The following KCNB2 variants were observed in gnomAD, a reference collection of about 807,000 sequenced individuals.
KCNB2 encodes the protein delayed rectifier potassium channel protein.
In KCNB2, 15 loss-of-function variants were observed where a neutral mutation model predicts 61.5. The ratio of observed to expected loss-of-function variants is 0.24; its 90% CI spans 0.16 to 0.38. KCNB2 has a LOEUF of 0.38. Among genes scored for constraint, KCNB2 ranks in the 10% least tolerant of loss-of-function variants. The pLI, the probability that KCNB2 is intolerant of heterozygous loss-of-function variation, is 1.00. For synonymous variants in KCNB2, 457 were observed against 446.0 expected (o/e 1.02, Z -0.31); for missense variants, 828 against 1,125.2 (o/e 0.74, Z 3.78).
chr8:72,615,771 C>T (rs1361064182), intron 2 of KCNB2, among the ~76,000 whole-genome samples: 1 of 151,930 alleles, frequency 6.6e-6, no homozygotes, highest in African/African-American at 2.4e-5. Context: ...TTTTCTTTGC[C>T]CAAGTGAGGC....
At chr8:72,637,368 C>A (rs1292707394) in intron 2 of KCNB2, among the ~76,000 whole-genome samples, 1 of 152,140 alleles carries the variant, frequency 6.6e-6, no homozygotes, top group Non-Finnish European at 1.5e-5. Context: ...TAGTTCATTG[C>A]TTTTATAAAC....
At chr8:72,652,398 T>A (rs1806226499) in intron 2 of KCNB2, among the ~76,000 whole-genome samples, 1 of 152,030 alleles carries the variant, frequency 6.6e-6, no homozygotes, top group South Asian at 2.1e-4. Context: ...GCTATCTACC[T>A]GGCCTATATC....
intron 2 of KCNB2, among the ~76,000 whole-genome samples, chr8:72,859,013 T>C (rs1002889849): frequency 6.6e-6 from 1 of 152,216 alleles, no homozygotes; most frequent in Non-Finnish European, 1.5e-5. Context: ...AATTCTAAGA[T>C]GATTGCTCCT....
At chr8:72,618,574 G>A (rs1301998487) in intron 2 of KCNB2, 1 of 152,152 alleles carries the variant, frequency 6.6e-6, no homozygotes, top group African/African-American at 2.4e-5. Flanking sequence ...TACACAACAA[G>A]AAACCATGAT....
At chr8:72,648,886 A>G (rs1368972268) in intron 2 of KCNB2, among the ~76,000 whole-genome samples, 2 of 152,128 alleles carry the variant, frequency 1.3e-5, no homozygotes, top group South Asian at 4.1e-4. Flanking sequence ...AATAGACAAT[A>G]TCTATAAAAT....
chr8:72,621,162 A>T (rs77756089), intron 2 of KCNB2, among the ~76,000 whole-genome samples: 23,869 of 152,208 alleles, frequency 0.16, 2,396 homozygotes, highest in Middle Eastern at 0.24. Flanking sequence ...TCCTGCTAAC[A>T]TATGTACATT....
intron 2 of KCNB2, among the ~76,000 whole-genome samples, chr8:72,821,857 G>A (rs1295493307): frequency 6.6e-6 from 1 of 152,074 alleles, no homozygotes; most frequent in East Asian, 1.9e-4. Flanking sequence ...GAGACAGAGA[G>A]ACAAAGGGAA....
At chr8:72,885,587 G>T (rs1338138288) in intron 2 of KCNB2, among the ~76,000 whole-genome samples, 2 of 151,928 alleles carry the variant, frequency 1.3e-5, no homozygotes, top group African/African-American at 2.4e-5. Context: ...TTGGCAGAAG[G>T]GTATGCATCA....
At chr8:72,924,525 A>G (rs565990772) in intron 2 of KCNB2, among the ~76,000 whole-genome samples, 31 of 152,200 alleles carry the variant, frequency 2.0e-4, no homozygotes, top group Admixed American at 3.3e-4. Flanking sequence ...AGGTGATGCT[A>G]AAGATTGAAG....
chr8:72,884,296 G>C (rs915471174), intron 2 of KCNB2, among the ~76,000 whole-genome samples: 4 of 151,594 alleles, frequency 2.6e-5, no homozygotes, highest in African/African-American at 9.7e-5. Flanking sequence ...TTGTAAGCAT[G>C]CTTTTTAATT....
At chr8:72,755,028 G>A (rs940409789) in intron 2 of KCNB2, among the ~76,000 whole-genome samples, 3 of 152,178 alleles carry the variant, frequency 2.0e-5, no homozygotes, top group African/African-American at 7.2e-5. Flanking sequence ...CTCTTGGTAA[G>A]ATATGATGGG....
intron 2 of KCNB2, among the ~76,000 whole-genome samples, chr8:72,805,658 C>T (rs1219550281): frequency 6.6e-6 from 1 of 152,178 alleles, no homozygotes; most frequent in Non-Finnish European, 1.5e-5. Context: ...GATTCATGCT[C>T]CTCTCACCCC....
At chr8:72,553,727 A>C (rs1806380222) in intron 1 of KCNB2, among the ~76,000 whole-genome samples, 1 of 152,148 alleles carries the variant, frequency 6.6e-6, no homozygotes, top group Admixed American at 6.5e-5. Flanking sequence ...CCAGCCAAAT[A>C]ATTTCCAGCA....
chr8:72,860,121 G>A (rs915877346), intron 2 of KCNB2, among the ~76,000 whole-genome samples: 4 of 151,956 alleles, frequency 2.6e-5, no homozygotes, highest in Non-Finnish European at 4.4e-5. Context: ...CCATCTTTTG[G>A]CTATTAAGGA....
intron 2 of KCNB2, among the ~76,000 whole-genome samples, chr8:72,724,443 T>C (rs1807599999): frequency 6.6e-6 from 1 of 152,072 alleles, no homozygotes; most frequent in African/African-American, 2.4e-5. Flanking sequence ...TGAATCTGAG[T>C]GTTGGAGGAG....
At chr8:72,583,660 G>A (rs1296256520) in intron 2 of KCNB2, among the ~76,000 whole-genome samples, 1 of 152,070 alleles carries the variant, frequency 6.6e-6, no homozygotes, top group African/African-American at 2.4e-5. Flanking sequence ...ATGGCACCAG[G>A]CTCCCCTCAG....
chr8:72,895,431 A>G (rs1297893424), intron 2 of KCNB2, among the ~76,000 whole-genome samples: 1 of 152,204 alleles, frequency 6.6e-6, no homozygotes, highest in Non-Finnish European at 1.5e-5. Flanking sequence ...AGCTGGAAAG[A>G]GCAAGGAAAT....
intron 2 of KCNB2, among the ~76,000 whole-genome samples, chr8:72,767,915 G>A (rs1051086928): frequency 6.8e-6 from 1 of 147,734 alleles, no homozygotes; most frequent in Non-Finnish European, 1.5e-5. Flanking sequence ...CATCCTCCTG[G>A]GTATGCAGAG....
At chr8:72,639,871 A>G (rs1190009122) in intron 2 of KCNB2, among the ~76,000 whole-genome samples, 1 of 152,148 alleles carries the variant, frequency 6.6e-6, no homozygotes, top group African/African-American at 2.4e-5. Context: ...CCTGTAGCAG[A>G]CGATAAAACT....
Sources: allele counts gnomAD v4.1 joint callset (sites outside exome capture counted in the v4.1 genomes callset), GRCh38; gene constraint gnomAD v4.1.1; transcripts MANE v1.5; gene names NCBI Gene and HGNC (gene_info 2026-07-23, HGNC 2026-07-21).